TGFBR2: variants seen among roughly 807,000 people sequenced by gnomAD.
The protein encoded by TGFBR2 is transforming growth factor beta receptor 2.
A neutral mutation model predicts 49.0 loss-of-function variants in TGFBR2; 18 were observed. The ratio of observed to expected loss-of-function variants is 0.37; its 90% CI spans 0.25 to 0.54. The LOEUF (loss-of-function observed/expected upper bound fraction) is 0.54. Among genes scored for constraint, TGFBR2 ranks in the 20% least tolerant of loss-of-function variants. TGFBR2 has a pLI of 0.85. For synonymous variants in TGFBR2, 282 were observed against 275.9 expected (o/e 1.02, Z -0.22); for missense variants, 525 against 722.6 (o/e 0.73, Z 3.13).
At chr3:30,647,903 T>C (rs987925202) in intron 2 of TGFBR2, among the ~76,000 whole-genome samples, 10 of 152,100 alleles carry the variant, frequency 6.6e-5, no homozygotes, top group African/African-American at 2.4e-4. Context: ...GGTCTCGAAC[T>C]CCTGACCTTG....
intron 5 of TGFBR2, among the ~76,000 whole-genome samples, chr3:30,681,534 CAAATT>C (rs1699540401): frequency 6.6e-6 from 1 of 152,068 alleles, no homozygotes. Context: ...CCTTTTGAGA[CAAATT>C]AAAAGAAGCT....
intron 6 of TGFBR2, among the ~76,000 whole-genome samples, chr3:30,691,015 T>C (rs1699699241): frequency 6.6e-6 from 1 of 152,204 alleles, no homozygotes; most frequent in Non-Finnish European, 1.5e-5. Flanking sequence ...CTCTGTACTT[T>C]CCACTCAATT....
At chr3:30,608,744 G>A (rs1011258369) in intron 1 of TGFBR2, among the ~76,000 whole-genome samples, 3 of 152,054 alleles carry the variant, frequency 2.0e-5, no homozygotes, top group Non-Finnish European at 4.4e-5. Flanking sequence ...TGAGTCCTAT[G>A]GTTTTAATAA....
intron 3 of TGFBR2, among the ~76,000 whole-genome samples, chr3:30,669,646 G>C (rs1171928304): frequency 6.6e-6 from 1 of 152,128 alleles, no homozygotes; most frequent in Non-Finnish European, 1.5e-5. Context: ...AGCACCATCT[G>C]GTCTGTTCTT....
rs766443493 is a variant in TGFBR2 at position 30,693,701 on chromosome 3, C to T, written c.*2102C>T. On this transcript the variant is annotated 3_prime_UTR_variant, in exon 7 of 7. Coordinates refer to ENST00000295754, the MANE Select transcript of TGFBR2 (RefSeq NM_003242.6). ...TGATACCATCCCAATAGCTGTTGCC[C>T]ATTGACCTCTAGTGGTGAGTTTCTA... is the stretch of plus-strand genomic sequence containing the variant. The T allele has an allele frequency of 1.3e-5, 3 of 233,566 alleles. No homozygotes were observed. The highest frequency in any genetic ancestry group is 1.7e-5 in the Non-Finnish European group (2 of 117,982). 14.5% of individuals were successfully genotyped at this position (233,566 alleles called of 1,614,324 possible).
chr3:30,609,702 G>C (rs1697995929), intron 1 of TGFBR2, among the ~76,000 whole-genome samples: 1 of 152,136 alleles, frequency 6.6e-6, no homozygotes, highest in Non-Finnish European at 1.5e-5. Context: ...CAAAGAATTT[G>C]TAAAAGTGTC....
intron 3 of TGFBR2, among the ~76,000 whole-genome samples, chr3:30,660,170 C>A (rs1449955300): frequency 6.6e-6 from 1 of 151,926 alleles, no homozygotes; most frequent in East Asian, 1.9e-4. Context: ...CCTTTTGTTG[C>A]CTAATTAGAG....
At position 30,672,533 on chromosome 3, in the gene TGFBR2, G is replaced by A; in HGVS notation, c.1254+96G>A. ...CCTGGCTCTTATCTCAAACAGCCCT[G>A]TACTCTGGACACTGGTCTAGGGAAT... On this transcript the variant is annotated intron_variant, in intron 4 of 6. Transcript: ENST00000295754. This position sits in a 1 kb window ranked among gnomAD's most constrained non-coding sequence, Gnocchi z 4.5. 3 of 1,349,354 alleles carry A rather than the reference G, an allele frequency of 2.2e-6. No homozygotes were observed. The highest frequency in any genetic ancestry group is 3.4e-5 in the Admixed American group (2 of 59,518). The allele number at this position is 1,349,354 out of a possible 1,614,324, so 83.6% of individuals were successfully genotyped here.
intron 1 of TGFBR2, among the ~76,000 whole-genome samples, chr3:30,618,474 G>T (rs1188866662): frequency 1.3e-5 from 2 of 151,044 alleles, no homozygotes; most frequent in African/African-American, 4.9e-5. Context: ...CTGACCTCGT[G>T]ATCCGCCCGC....
At chr3:30,624,017 C>G (rs939969427) in intron 1 of TGFBR2, among the ~76,000 whole-genome samples, 14 of 152,158 alleles carry the variant, frequency 9.2e-5, no homozygotes, top group Middle Eastern at 6.8e-3. Flanking sequence ...GTGGCGGGCG[C>G]CTGTAATCAC....
chr3:30,615,265 G>A (rs947866539), intron 1 of TGFBR2, among the ~76,000 whole-genome samples: 1 of 151,600 alleles, frequency 6.6e-6, no homozygotes, highest in Non-Finnish European at 1.5e-5. Context: ...AACCTTCAAG[G>A]CTACCTATAC....
intron 3 of TGFBR2, among the ~76,000 whole-genome samples, chr3:30,657,545 G>T (rs2125417828): frequency 6.6e-6 from 1 of 152,264 alleles, no homozygotes; most frequent in Admixed American, 6.5e-5. Flanking sequence ...AATGGGAGTA[G>T]AAATAATGAA....
intron 1 of TGFBR2, chr3:30,623,318 G>A (rs776543927): frequency 3.7e-5 from 59 of 1,605,736 alleles, no homozygotes; most frequent in Non-Finnish European, 4.9e-5. Context: ...TCTATTTTTA[G>A]TCATGCTCCC....
chr3:30,635,165 T>G (rs1354843331), intron 1 of TGFBR2, among the ~76,000 whole-genome samples: 1 of 152,222 alleles, frequency 6.6e-6, no homozygotes, highest in African/African-American at 2.4e-5. Context: ...AGAGCATGAT[T>G]GAGAAAGTTA....
chr3:30,636,908 CA>C (rs772606908), intron 1 of TGFBR2, among the ~76,000 whole-genome samples: 1 of 151,752 alleles, frequency 6.6e-6, no homozygotes, highest in Non-Finnish European at 1.5e-5. Flanking sequence ...ACTAAAAATA[CA>C]AAAAATTAGC....
chr3:30,680,122 C>A (rs1306765886), intron 5 of TGFBR2, among the ~76,000 whole-genome samples: 1 of 77,090 alleles, frequency 1.3e-5, no homozygotes, highest in Non-Finnish European at 2.5e-5. Flanking sequence ...GAGACTCCAT[C>A]CCCCCCGCCC....
chr3:30,681,637 C>T (rs982824922), intron 5 of TGFBR2, among the ~76,000 whole-genome samples: 2 of 152,050 alleles, frequency 1.3e-5, no homozygotes, highest in South Asian at 2.1e-4. Context: ...AAGAGAAAGT[C>T]GTTCTCAAGC....
At chr3:30,645,008 A>G (rs1698705241) in intron 2 of TGFBR2, 93 bp downstream of exon 2, 2 of 1,146,640 alleles carry the variant, frequency 1.7e-6, no homozygotes, top group Non-Finnish European at 2.6e-6. Context: ...TCTGTCTCCT[A>G]AATGTAAACA....
intron 3 of TGFBR2, among the ~76,000 whole-genome samples, chr3:30,652,685 A>G (rs1194546745): frequency 6.6e-6 from 1 of 152,178 alleles, no homozygotes; most frequent in African/African-American, 2.4e-5. Context: ...AAAGGAATTA[A>G]TCTCTGACAG....
Sources: gnomAD v4.1 joint callset for allele counts (sites outside exome capture counted in the v4.1 genomes callset) on GRCh38, gnomAD v4.1.1 for gene constraint, Gnocchi (gnomAD v3.1) non-coding constraint, MANE v1.5 for transcripts, NCBI Gene and HGNC (gene_info 2026-07-23, HGNC 2026-07-21) for gene names.